The following HDAC9 variants were observed in gnomAD, a reference collection of about 807,000 sequenced individuals.
The protein encoded by HDAC9 is histone deacetylase 9.
HDAC9 carries 41 observed loss-of-function variants against 139.4 expected under a neutral mutation model. That is an observed-to-expected ratio of 0.29 (90% CI 0.23 to 0.38). The LOEUF is 0.38. HDAC9 is among the 10% of genes least tolerant of loss of function. The pLI is 1.00. For synonymous variants in HDAC9, 517 were observed against 476.2 expected (o/e 1.09, Z -1.12); for missense variants, 1,147 against 1,297.0 (o/e 0.88, Z 1.78).
intron 1 of HDAC9, among the ~76,000 whole-genome samples, chr7:18,388,637 C>G (rs115199577): frequency 0.012 from 1,814 of 152,222 alleles, 39 homozygotes; most frequent in African/African-American, 0.042. Context: ...TAGTTCCTAA[C>G]TCTGCTCTTT....
chr7:18,733,508 C>T (rs1032097210), intron 13 of HDAC9, among the ~76,000 whole-genome samples: 1 of 151,414 alleles, frequency 6.6e-6, no homozygotes, highest in Non-Finnish European at 1.5e-5. Flanking sequence ...CCAAAATTTA[C>T]TCATCTAATA....
At position 18,585,528 on chromosome 7, in the gene HDAC9, A is replaced by T. The variant is rs746975185; in HGVS notation, c.264+6A>T. The T allele has an allele frequency of 1.7e-5, 28 of 1,612,982 alleles. No individual in the cohort carries two copies. The highest frequency in any genetic ancestry group is 2.4e-5 in the Non-Finnish European group (28 of 1,179,656). On this transcript the variant is annotated splice_donor_region_variant and intron_variant, in intron 3 of 25. Transcript: ENST00000686413. Reference sequence around the variant, plus strand: ...AGCTTCAGGAGCATATCAAGGTAGCAAATGCTTCTTTGTCTGTGACCTTAC... The same window carrying T: ...AGCTTCAGGAGCATATCAAGGTAGCTAATGCTTCTTTGTCTGTGACCTTAC...
intron 1 of HDAC9, among the ~76,000 whole-genome samples, chr7:18,456,138 C>T (rs894660630): frequency 2.0e-5 from 3 of 152,154 alleles, no homozygotes; most frequent in Admixed American, 1.3e-4. Context: ...ATAATTACAG[C>T]TGAGCTAGAA....
intron 1 of HDAC9, among the ~76,000 whole-genome samples, chr7:18,375,717 G>C (rs1376865714): frequency 3.3e-5 from 5 of 152,104 alleles, no homozygotes; most frequent in Admixed American, 2.0e-4. Flanking sequence ...TGGGTTAGTG[G>C]TGGCCCTGCC....
chr7:18,135,426 A>G (rs1392784846), intron 1 of HDAC9, among the ~76,000 whole-genome samples: 3 of 138,766 alleles, frequency 2.2e-5, no homozygotes, highest in Non-Finnish European at 4.7e-5. Flanking sequence ...AGCATTAGGT[A>G]TATCTCCCAA....
chr7:18,595,803 A>G (rs1238744822), intron 6 of HDAC9, among the ~76,000 whole-genome samples: 1 of 152,084 alleles, frequency 6.6e-6, no homozygotes, highest in Non-Finnish European at 1.5e-5. Context: ...CCCAGTGAGA[A>G]AATCTGATAT....
chr7:18,880,199 A>G (rs755343873), intron 22 of HDAC9, among the ~76,000 whole-genome samples: 1 of 152,126 alleles, frequency 6.6e-6, no homozygotes, highest in Non-Finnish European at 1.5e-5. Flanking sequence ...ACACTTAGAC[A>G]CTGTTGGTGG....
intron 13 of HDAC9, among the ~76,000 whole-genome samples, chr7:18,737,738 G>A (rs558300015): frequency 6.6e-6 from 1 of 152,288 alleles, no homozygotes; most frequent in South Asian, 2.1e-4. Context: ...ATATTCTGTT[G>A]ATTTGGGGTG....
At chr7:18,161,474 G>A (rs1429231537) in intron 1 of HDAC9, among the ~76,000 whole-genome samples, 1 of 152,156 alleles carries the variant, frequency 6.6e-6, no homozygotes, top group Non-Finnish European at 1.5e-5. Context: ...AACTCATTAA[G>A]TGTAATTTTA....
chr7:18,569,702 C>T (rs943626068), intron 2 of HDAC9, among the ~76,000 whole-genome samples: 1 of 152,132 alleles, frequency 6.6e-6, no homozygotes, highest in Non-Finnish European at 1.5e-5. Context: ...TTATAAATGT[C>T]TTCAATTAAT....
In HDAC9 at chr7:18,199,230, A is replaced by T. The variant is rs192288175; in HGVS notation, c.25+36881A>T. Reference sequence around the variant, plus strand: ...ATACAATTCTTCTATCTCCAAAGTAATGCTAGAAATATTGTTGATTTACAA... The same window carrying T: ...ATACAATTCTTCTATCTCCAAAGTATTGCTAGAAATATTGTTGATTTACAA... On this transcript the variant is annotated intron_variant, in intron 2 of 12. Transcript: ENST00000417496. 2.9e-4 allele frequency among the ~76,000 whole-genome samples: 44 copies of T among 152,316 alleles called. 1 individual carries two copies. Among genetic ancestry groups the T allele is most frequent in the Middle Eastern group, 3.4e-3 (1 of 294 alleles).
At chr7:18,306,274 G>A (rs888539297) in intron 1 of HDAC9, among the ~76,000 whole-genome samples, 6 of 152,190 alleles carry the variant, frequency 3.9e-5, no homozygotes, top group African/African-American at 1.2e-4. Flanking sequence ...ACTATGGGTG[G>A]GGATGTTAAT....
chr7:18,644,745 T>C lies in HDAC9; in HGVS notation c.987T>C (p.Ser329=). 1.9e-6 allele frequency: 3 copies of C among 1,612,380 alleles called. No individual in the cohort carries two copies. The highest frequency in any genetic ancestry group is 1.3e-5 in the African/African-American group (1 of 74,968). ...TGCTAAGTCTTTATACCTCTCCTTC[T>C]TTGCCCAACATTACCTTGGGGCTTC... ...MNLLSLYTSP[S]LPNITLGLPA... Residue 329 remains serine, a synonymous_variant, in exon 9 of 26, where the codon TCT becomes TCC. Transcript: ENST00000686413.
chr7:18,433,348 A>C (rs1182448980), intron 1 of HDAC9, among the ~76,000 whole-genome samples: 1 of 152,174 alleles, frequency 6.6e-6, no homozygotes, highest in Non-Finnish European at 1.5e-5. Context: ...AGGGATGCCC[A>C]CTTTCACCAC....
At chr7:18,981,175 A>C (rs1449414242) in intron 25 of HDAC9, among the ~76,000 whole-genome samples, 9 of 152,136 alleles carry the variant, frequency 5.9e-5, no homozygotes, top group South Asian at 4.1e-4. Flanking sequence ...TAATATAAGA[A>C]TATAGAGCCT....
At chr7:18,419,420 A>G (rs1360740690) in intron 1 of HDAC9, among the ~76,000 whole-genome samples, 1 of 152,210 alleles carries the variant, frequency 6.6e-6, no homozygotes, top group Non-Finnish European at 1.5e-5. Flanking sequence ...GCAAATGTAA[A>G]GCCATATATG....
At chr7:18,983,626 T>A (rs1785103686) in intron 25 of HDAC9, among the ~76,000 whole-genome samples, 1 of 152,210 alleles carries the variant, frequency 6.6e-6, no homozygotes, top group African/African-American at 2.4e-5. Flanking sequence ...ATTGCTGGGT[T>A]GTAGGGAAGT....
intron 1 of HDAC9, among the ~76,000 whole-genome samples, chr7:18,409,558 A>T (rs2128742989): frequency 6.6e-6 from 1 of 152,254 alleles, no homozygotes; most frequent in East Asian, 1.9e-4. Context: ...TTGTCTCAGA[A>T]ATTGCTTCTA....
chr7:18,585,173 T>C, intron 2 of HDAC9, 108 bp from the exon 3 acceptor site: 4 of 1,215,498 alleles, frequency 3.3e-6, no homozygotes, highest in Non-Finnish European at 4.7e-6. Flanking sequence ...GGCATAAAAT[T>C]TGTTGTACAG....
Sources: gnomAD v4.1 joint callset for allele counts (sites outside exome capture counted in the v4.1 genomes callset) on GRCh38, gnomAD v4.1.1 for gene constraint, MANE v1.5 for transcripts, NCBI Gene and HGNC (gene_info 2026-07-23, HGNC 2026-07-21) for gene names.